SLC38A2: variants seen among roughly 807,000 people sequenced by gnomAD.
SLC38A2 encodes solute carrier family 38 member 2.
Under a neutral mutation model 61.5 loss-of-function variants are expected in SLC38A2, and 11 were observed. The ratio of observed to expected loss-of-function variants is 0.18; its 90% CI spans 0.11 to 0.30. The LOEUF (loss-of-function observed/expected upper bound fraction) is 0.30, where lower values mean the gene tolerates loss of function less well. Among genes scored for constraint, SLC38A2 ranks in the 10% least tolerant of loss-of-function variants. The pLI, the probability that SLC38A2 is intolerant of heterozygous loss-of-function variation, is 1.00. For missense variants in SLC38A2, 522 were observed against 600.4 expected, an observed-to-expected ratio of 0.87 and a Z score of 1.36; for synonymous variants, 217 against 212.5, an observed-to-expected ratio of 1.02 and a Z score of -0.18.
At chr12:46,366,799 T>C (rs1367200586) in intron 7 of SLC38A2, 65 bp downstream of exon 7, 2 of 1,395,536 alleles carry the variant, frequency 1.4e-6, no homozygotes, top group Admixed American at 2.2e-5. Context: ...ACAACTTTGA[T>C]AAAAATGTAT....
At position 46,362,281 on chromosome 12, in the gene SLC38A2, C is replaced by G; in HGVS notation, c.1422+3G>C. On this transcript the variant is annotated splice_donor_region_variant and intron_variant, in intron 15 of 15. Transcript: ENST00000256689. Reference sequence around the variant, plus strand: ...GTTTCTATGGTTATAATCTTTCACTCACCCCAATCTTTTGTACAGATTTCA... The same window carrying G: ...GTTTCTATGGTTATAATCTTTCACTGACCCCAATCTTTTGTACAGATTTCA... The G allele has an allele frequency of 6.3e-7, 1 of 1,593,064 alleles. No individual in the cohort carries two copies. The highest frequency in any genetic ancestry group is 2.2e-5 in the East Asian group (1 of 44,578).
chr12:46,364,410 G>A lies in SLC38A2; in HGVS notation c.852C>T (p.His284=), dbSNP rs1943116435. ...NVTENDSCRP[H]YFIFNSQTVY... Reference sequence around the variant, plus strand: ...TTACCTGTGAGTTGAAAATAAAATAGTGAGGTCTGCAAGAGTCATTTTCAG... The same window carrying A: ...TTACCTGTGAGTTGAAAATAAAATAATGAGGTCTGCAAGAGTCATTTTCAG... The change falls in exon 10 of 16, where the codon CAC becomes CAT. Residue 284 remains histidine (H), a synonymous_variant. Transcript: ENST00000256689. 6.3e-7 allele frequency: 1 copy of A among 1,586,576 alleles called. No homozygotes were observed. The highest frequency in any genetic ancestry group is 8.5e-7 in the Non-Finnish European group (1 of 1,172,284).
chr12:46,370,008 T>A (rs934781480), intron 4 of SLC38A2, among the ~76,000 whole-genome samples: 1 of 152,210 alleles, frequency 6.6e-6, no homozygotes, highest in East Asian at 1.9e-4. Context: ...AATTATGACC[T>A]CCTCGTCTTA....
chr12:46,366,057 A>G (rs979888950), intron 7 of SLC38A2, among the ~76,000 whole-genome samples: 2 of 152,184 alleles, frequency 1.3e-5, no homozygotes, highest in African/African-American at 4.8e-5. Flanking sequence ...TGAGCTGCAC[A>G]TAGGGTGGGA....
chr12:46,370,874 C>A lies in SLC38A2; in HGVS notation c.117-17G>T. 6.3e-7 allele frequency: 1 copy of A among 1,577,126 alleles called. No individual in the cohort carries two copies. Among genetic ancestry groups the A allele is most frequent in the Non-Finnish European group, 8.6e-7 (1 of 1,156,148 alleles). ...GCATAATGGCTGCAAAAAATATAGA[C>A]ATATATAATTGTAAACTGGATTGAA... On this transcript the variant is annotated splice_polypyrimidine_tract_variant and intron_variant, in intron 2 of 15. Coordinates refer to ENST00000256689, the MANE Select transcript of SLC38A2 (RefSeq NM_018976.5).
At chr12:46,364,615 A>T (rs774690367) in intron 9 of SLC38A2, 29 bp downstream of exon 9, 203 of 1,596,542 alleles carry the variant, frequency 1.3e-4, no homozygotes, top group Admixed American at 9.0e-4. Flanking sequence ...CTTATAAAAA[A>T]TTTTTTCTAA....
chr12:46,370,896 T>C (rs374317399), intron 2 of SLC38A2, 39 bp from the exon 3 acceptor site: 1 of 1,468,400 alleles, frequency 6.8e-7, no homozygotes, highest in Non-Finnish European at 9.4e-7. Context: ...TAAACTGGAT[T>C]GAAATATCTA....
chr12:46,369,227 C>T (rs1290126069), intron 4 of SLC38A2, among the ~76,000 whole-genome samples: 1 of 152,154 alleles, frequency 6.6e-6, no homozygotes, highest in East Asian at 1.9e-4. Context: ...TTCAAATATT[C>T]GACAGTGATG....
Position 46,360,586 on chromosome 12 carries a change from T to C in SLC38A2, c.*525A>G, listed in dbSNP as rs1447401319. On this transcript the variant is annotated 3_prime_UTR_variant, in exon 16 of 16. Transcript: ENST00000256689. ...CAATGACATTATTTTATGGAATTTA[T>C]TGATAACTGCTTCTGAATAAAGTTC... 6.6e-6 allele frequency: 1 copy of C among 152,482 alleles called. No homozygotes were observed. Among genetic ancestry groups the C allele is most frequent in the Non-Finnish European group, 1.5e-5 (1 of 68,072 alleles). The allele number at this position is 152,482 out of a possible 1,614,324, so 9.4% of individuals were successfully genotyped here. A position where few individuals can be genotyped will look rare whatever the true frequency, so the allele number is the denominator to read the frequency against.
intron 7 of SLC38A2, among the ~76,000 whole-genome samples, chr12:46,365,971 C>T: frequency 6.6e-6 from 1 of 152,266 alleles, no homozygotes; most frequent in African/African-American, 2.4e-5. Flanking sequence ...AGAACACCAA[C>T]ACTTAAAGAT....
chr12:46,364,037 T>C (rs1426520126), intron 10 of SLC38A2, 34 bp from the exon 11 acceptor site: 1 of 1,533,376 alleles, frequency 6.5e-7, no homozygotes, highest in Admixed American at 1.9e-5. Flanking sequence ...CTTAATCTGA[T>C]GTAACGAACT....
chr12:46,364,080 T>C (rs1043248516), intron 10 of SLC38A2, 77 bp from the exon 11 acceptor site: 2 of 1,264,564 alleles, frequency 1.6e-6, no homozygotes, highest in South Asian at 1.4e-5. Context: ...ATATATTTTA[T>C]GTAAACAATC....
rs1356686522 is a variant in SLC38A2 at position 46,372,714 on chromosome 12, G to A, written c.-292C>T. 1 of 398,376 alleles carries A rather than the reference G, an allele frequency of 2.5e-6. No individual in the cohort carries two copies. Among genetic ancestry groups the A allele is most frequent in the African/African-American group, 2.1e-5 (1 of 48,634 alleles). 24.7% of individuals were successfully genotyped at this position (398,376 alleles called of 1,614,324 possible). A position where few individuals can be genotyped will look rare whatever the true frequency, so the allele number is the denominator to read the frequency against. On this transcript the variant is annotated 5_prime_UTR_variant, in exon 1 of 16. Coordinates refer to ENST00000256689, the MANE Select transcript of SLC38A2 (RefSeq NM_018976.5). ...AGGCGCGAGCGTGCGGTAACGCGTG[G>A]TCGGGCTGCTGCTAGCAGTACTGGA...
intron 4 of SLC38A2, among the ~76,000 whole-genome samples, chr12:46,370,228 T>C (rs1440027355): frequency 6.6e-6 from 1 of 152,260 alleles, no homozygotes; most frequent in Non-Finnish European, 1.5e-5. Context: ...TTTTAATATC[T>C]ACCATCTGTT....
rs1943089411 is a variant in SLC38A2 at position 46,362,269 on chromosome 12, T to C, written c.1422+15A>G. On this transcript the variant is annotated intron_variant, in intron 15 of 15. Coordinates refer to ENST00000256689, the MANE Select transcript of SLC38A2 (RefSeq NM_018976.5). ...GATATTATTACTGTTTCTATGGTTATAATCTTTCACTCACCCCAATCTTTT... is the reference window on the plus strand; with the variant it reads ...GATATTATTACTGTTTCTATGGTTACAATCTTTCACTCACCCCAATCTTTT... The C allele has an allele frequency of 1.3e-6, 2 of 1,573,312 alleles. No individual in the cohort carries two copies. Among genetic ancestry groups the C allele is most frequent in the Non-Finnish European group, 8.7e-7 (1 of 1,154,248 alleles).
intron 8 of SLC38A2, 112 bp downstream of exon 8, chr12:46,364,995 A>G (rs1049133593): frequency 9.7e-7 from 1 of 1,030,138 alleles, no homozygotes; most frequent in Non-Finnish European, 1.5e-6. Flanking sequence ...TCCCAAAGAT[A>G]TACCTTTCTA....
At position 46,371,224 on chromosome 12, in the gene SLC38A2, T is replaced by C. The variant is rs141934251; in HGVS notation, c.70A>G (p.Ser24Gly). 6.1e-5 allele frequency: 98 copies of C among 1,614,248 alleles called. 1 individual carries two copies. The African/African-American group carries it at 1.3e-3, about 21-fold the overall frequency. ...GTGGGGTAGGAGTAGTTGAAGTCGCTGTTGGAACTGTAGCTGCTGCTGTCT... is the reference window on the plus strand; with the variant it reads ...GTGGGGTAGGAGTAGTTGAAGTCGCCGTTGGAACTGTAGCTGCTGCTGTCT... ...DEDSSSYSSN[S>G]DFNYSYPTKQ... The change falls in exon 2 of 16, where the codon AGC (serine) becomes GGC (glycine). Residue 24 changes from serine to glycine, a missense_variant. This residue lies in a region of SLC38A2 where 102 missense variants were observed against 83.1 expected (regional missense o/e 1.23). Coordinates refer to ENST00000256689, the MANE Select transcript of SLC38A2 (RefSeq NM_018976.5).
chr12:46,366,463 C>T (rs1164538901), intron 7 of SLC38A2, among the ~76,000 whole-genome samples: 2 of 152,072 alleles, frequency 1.3e-5, no homozygotes, highest in Non-Finnish European at 2.9e-5. Context: ...GGATGTCCAG[C>T]CTGTATTTTG....
intron 12 of SLC38A2, 52 bp from the exon 13 acceptor site, chr12:46,363,197 A>T: frequency 3.1e-6 from 5 of 1,591,294 alleles, no homozygotes; most frequent in Non-Finnish European, 4.3e-6. Context: ...TTGGACACCA[A>T]GTAGAAAATT....
Sources: allele counts gnomAD v4.1 joint callset (sites outside exome capture counted in the v4.1 genomes callset), GRCh38; gene constraint gnomAD v4.1.1; regional missense constraint gnomAD v4.1.1; transcripts MANE v1.5; gene names NCBI Gene and HGNC (gene_info 2026-07-23, HGNC 2026-07-21).